Variants in TBC1D8 observed in about 807,000 individuals in gnomAD.
TBC1D8 encodes BUB2-like protein 1.
TBC1D8 carries 65 observed loss-of-function variants against 118.8 expected under a neutral mutation model. The observed-to-expected ratio is 0.55, with a 90% confidence interval of 0.45 to 0.67. The LOEUF (loss-of-function observed/expected upper bound fraction) is 0.67, where lower values mean the gene tolerates loss of function less well. Among genes scored for constraint, TBC1D8 ranks in the 30% least tolerant of loss-of-function variants. The probability of loss-of-function intolerance (pLI) is 0.00; values close to 1 mark genes in which losing one functional copy is unlikely to be tolerated. For missense variants in TBC1D8, 1,376 were observed against 1,471.2 expected (o/e 0.94, Z 1.06); for synonymous variants, 566 against 595.8 (o/e 0.95, Z 0.73).
At chr2:101,084,369 C>T (rs1266254084) in intron 2 of TBC1D8, among the ~76,000 whole-genome samples, 4 of 152,120 alleles carry the variant, frequency 2.6e-5, no homozygotes, top group African/African-American at 7.2e-5. Context: ...GCCAACATGG[C>T]GAAAACCCGT....
At chr2:101,085,864 G>A (rs77679525) in intron 2 of TBC1D8, among the ~76,000 whole-genome samples, 5,044 of 152,296 alleles carry the variant, frequency 0.033, 273 homozygotes, top group African/African-American at 0.11. Context: ...ACAACAGGCC[G>A]GGCGCGGCGG....
intron 15 of TBC1D8, among the ~76,000 whole-genome samples, chr2:101,024,709 A>G (rs1175552092): frequency 6.6e-6 from 1 of 152,094 alleles, no homozygotes; most frequent in Non-Finnish European, 1.5e-5. Context: ...GCCCGGCCAG[A>G]ACTGTAATTT....
intron 17 of TBC1D8, chr2:101,018,200 T>C (rs1382708739): frequency 1.2e-5 from 4 of 326,828 alleles, no homozygotes; most frequent in Non-Finnish European, 1.7e-5. Flanking sequence ...ATTCAAATTA[T>C]AACACTGACT....
At chr2:101,125,136 C>CA (rs1678297489) in intron 1 of TBC1D8, among the ~76,000 whole-genome samples, 1 of 152,184 alleles carries the variant, frequency 6.6e-6, no homozygotes, top group Non-Finnish European at 1.5e-5. Context: ...GGCCACTCCT[C>CA]CGGCCAACAT....
intron 1 of TBC1D8, among the ~76,000 whole-genome samples, chr2:101,091,819 C>A (rs1676054611): frequency 6.6e-6 from 1 of 152,130 alleles, no homozygotes; most frequent in South Asian, 2.1e-4. Context: ...CACATATTAC[C>A]CTTAACTAAT....
At chr2:101,075,861 A>C (rs1247904302) in intron 2 of TBC1D8, among the ~76,000 whole-genome samples, 1 of 152,238 alleles carries the variant, frequency 6.6e-6, no homozygotes, top group Non-Finnish European at 1.5e-5. Flanking sequence ...CAATTAATTG[A>C]AACACAGTGA....
intron 2 of TBC1D8, among the ~76,000 whole-genome samples, chr2:101,089,344 G>A (rs1475622401): frequency 6.6e-6 from 1 of 152,074 alleles, no homozygotes; most frequent in Admixed American, 6.5e-5. Flanking sequence ...TGTGGATAAA[G>A]GGTTGCAGGT....
intron 5 of TBC1D8, among the ~76,000 whole-genome samples, chr2:101,044,304 A>G (rs1267499013): frequency 1.3e-4 from 20 of 152,250 alleles, no homozygotes; most frequent in Non-Finnish European, 1.5e-5. Flanking sequence ...TTAAATTTCC[A>G]GCATAACTGA....
At chr2:101,054,745 C>T (rs941960696) in intron 3 of TBC1D8, among the ~76,000 whole-genome samples, 16 of 132,732 alleles carry the variant, frequency 1.2e-4, no homozygotes, top group South Asian at 5.1e-4. Flanking sequence ...TGCAGTGGCA[C>T]GATCTCAACT....
intron 1 of TBC1D8, among the ~76,000 whole-genome samples, chr2:101,114,096 T>A (rs1010794369): frequency 6.6e-6 from 1 of 152,194 alleles, no homozygotes; most frequent in African/African-American, 2.4e-5. Flanking sequence ...GTTCCATTCA[T>A]CTTGAAAATG....
chr2:101,117,730 T>G (rs940544269), intron 1 of TBC1D8, among the ~76,000 whole-genome samples: 1 of 151,822 alleles, frequency 6.6e-6, no homozygotes. Flanking sequence ...CCCGCCACCA[T>G]GCCTGGCTAA....
At chr2:101,047,243 A>G (rs948577079) in intron 5 of TBC1D8, among the ~76,000 whole-genome samples, 1 of 152,134 alleles carries the variant, frequency 6.6e-6, no homozygotes, top group African/African-American at 2.4e-5. Flanking sequence ...CGAGGGTGAC[A>G]ATGCACCCCC....
In TBC1D8 at chr2:101,090,375, A is replaced by G; in HGVS notation, c.128-11T>C. 6.2e-7 allele frequency: 1 copy of G among 1,613,616 alleles called. No individual in the cohort carries two copies. The highest frequency in any genetic ancestry group is 8.5e-7 in the Non-Finnish European group (1 of 1,179,788). On this transcript the variant is annotated splice_polypyrimidine_tract_variant and intron_variant, in intron 1 of 19. Coordinates refer to ENST00000409318, the MANE Select transcript of TBC1D8 (RefSeq NM_001330348.2). ...CGCCGACCAGGCGACCTTCAAAAGA[A>G]AAGAGAAGAAAGTGCACCTGTGAGC...
chr2:101,149,430 G>C (rs955423126), intron 1 of TBC1D8, among the ~76,000 whole-genome samples: 1 of 152,094 alleles, frequency 6.6e-6, no homozygotes, highest in Non-Finnish European at 1.5e-5. Context: ...ATGGTGAATC[G>C]GCTGAAGGTA....
intron 1 of TBC1D8, among the ~76,000 whole-genome samples, chr2:101,136,344 G>A (rs1678854180): frequency 6.6e-6 from 1 of 152,190 alleles, no homozygotes; most frequent in South Asian, 2.1e-4. Flanking sequence ...CATGTGATCT[G>A]TGTACACAGG....
intron 15 of TBC1D8, 90 bp from the exon 16 acceptor site, chr2:101,022,611 A>G: frequency 6.7e-7 from 1 of 1,484,644 alleles, no homozygotes; most frequent in Non-Finnish European, 8.9e-7. Context: ...AATTACTCAC[A>G]ATCTCACCAC....
intron 11 of TBC1D8, 116 bp from the exon 12 acceptor site, chr2:101,029,892 A>G: frequency 9.0e-7 from 1 of 1,110,060 alleles, no homozygotes; most frequent in South Asian, 1.6e-5. Flanking sequence ...TGAGTCCAGA[A>G]AAGCGTCCAT....
rs189046359 is a variant in TBC1D8, at chr2:101,118,589, C to A, written c.128-28225G>T. Among the ~76,000 whole-genome samples the A allele has an allele frequency of 1.0e-4, 15 of 150,030 alleles. No individual in the cohort carries two copies. The East Asian group carries it at 3.0e-3, about 30-fold the overall frequency. The stretch of plus-strand genomic sequence containing the variant: ...GCAGGCACCTGTAGTCCCAACTACT[C>A]GGGAGGTTGAGGCAGGAGAATGGCG... On this transcript the variant is annotated intron_variant, in intron 1 of 19. Transcript: ENST00000409318.
At chr2:101,091,688 GTGCC>G (rs1187533766) in intron 1 of TBC1D8, among the ~76,000 whole-genome samples, 2 of 152,124 alleles carry the variant, frequency 1.3e-5, no homozygotes, top group African/African-American at 2.4e-5. Context: ...TGATGCCACT[GTGCC>G]CTACCCTGGG....
Sources: allele counts gnomAD v4.1 joint callset (sites outside exome capture counted in the v4.1 genomes callset), GRCh38; gene constraint gnomAD v4.1.1; transcripts MANE v1.5; gene names NCBI Gene and HGNC (gene_info 2026-07-23, HGNC 2026-07-21).